Variants in TUBB4A observed in about 807,000 individuals in gnomAD.
The protein encoded by TUBB4A is tubulin beta-4A chain.
A neutral mutation model predicts 35.1 loss-of-function variants in TUBB4A; 13 were observed. The ratio of observed to expected loss-of-function variants is 0.37; its 90% CI spans 0.24 to 0.59. The LOEUF (loss-of-function observed/expected upper bound fraction) is 0.59, where lower values mean the gene tolerates loss of function less well. Among genes scored for constraint, TUBB4A ranks in the 20% least tolerant of loss-of-function variants. TUBB4A has a pLI of 0.71. For missense variants in TUBB4A, 299 were observed against 647.2 expected (o/e 0.46, Z 5.84); for synonymous variants, 279 against 272.4 (o/e 1.02, Z -0.24).
In TUBB4A at chr19:6,495,790, TG is replaced by T. The variant is rs1211594039; in HGVS notation, c.708del (p.Thr237ProfsTer10). On this transcript the variant is annotated frameshift_variant, in exon 4 of 4. Coordinates refer to ENST00000264071, the MANE Select transcript of TUBB4A (RefSeq NM_006087.4). LOFTEE classifies it high-confidence loss of function. This position sits in a 1 kb window ranked among gnomAD's most constrained non-coding sequence, Gnocchi z 8.7. ...NHLVSATMSG[V>X]TTCLRFPGQL... ...TGGCCCGGGAAGCGCAGGCAGGTGG[TG>T]ACCCCGCTCATGGTGGCCGACACCA... 1 of 1,614,018 alleles carries T rather than the reference TG, an allele frequency of 6.2e-7. No homozygotes were observed. The highest frequency in any genetic ancestry group is 8.5e-7 in the Non-Finnish European group (1 of 1,180,030).
In TUBB4A at chr19:6,501,625, T is replaced by TAG. The variant is rs967253651; in HGVS notation, c.58-4_58-3dup. The stretch of plus-strand genomic sequence containing the variant: ...TTCGTCACTGATAACCTCCCAAAAC[T>TAG]AGAGAGAGAGGTGGTCGGAAGAGTT... On this transcript the variant is annotated splice_polypyrimidine_tract_variant and splice_region_variant and intron_variant, in intron 1 of 3. Transcript: ENST00000264071. The surrounding 1 kb of genome is among the most constrained non-coding windows in gnomAD (Gnocchi z 4.2). The TAG allele has an allele frequency of 2.5e-6, 4 of 1,612,306 alleles. No individual in the cohort carries two copies.
chr19:6,495,795 C>T lies in TUBB4A; in HGVS notation c.704G>A (p.Gly235Glu). Reference protein sequence around the residue: ...LNHLVSATMSGVTTCLRFPGQ... With the variant: ...LNHLVSATMSEVTTCLRFPGQ... ...CGGGAAGCGCAGGCAGGTGGTGACCCCGCTCATGGTGGCCGACACCAGGTG... is the reference window on the plus strand; with the variant it reads ...CGGGAAGCGCAGGCAGGTGGTGACCTCGCTCATGGTGGCCGACACCAGGTG... Residue 235 changes from glycine (G) to glutamate (E), a missense_variant, in exon 4 of 4, where the codon GGG (glycine) becomes GAG (glutamate). Gly to Glu is a moderately conservative substitution (Grantham distance 98). Transcript: ENST00000264071. This position sits in a 1 kb window ranked among gnomAD's most constrained non-coding sequence, Gnocchi z 8.7. The T allele has an allele frequency of 1.2e-6, 2 of 1,614,218 alleles. No homozygotes were observed. Among genetic ancestry groups the T allele is most frequent in the Non-Finnish European group, 1.7e-6 (2 of 1,180,040 alleles).
chr19:6,495,841 G>A lies in TUBB4A; in HGVS notation c.658C>T (p.Pro220Ser). The change falls in exon 4 of 4, where the codon CCC (proline) becomes TCC (serine). Residue 220 changes from proline (P) to serine (S), a missense_variant. Around this residue, in one of 5 missense-constraint regions of TUBB4A, gnomAD observed 51 missense variants for 100.3 expected, o/e 0.51. Coordinates refer to ENST00000264071, the MANE Select transcript of TUBB4A (RefSeq NM_006087.4). The surrounding 1 kb of genome is among the most constrained non-coding windows in gnomAD (Gnocchi z 8.7). Reference protein sequence around the residue: ...ICFRTLKLTTPTYGDLNHLVS... With the variant: ...ICFRTLKLTTSTYGDLNHLVS... ...AGGTGGTTGAGGTCCCCGTAGGTGG[G>A]GGTGGTCAGCTTGAGGGTGCGGAAA... 6.2e-7 allele frequency: 1 copy of A among 1,614,240 alleles called. No individual in the cohort carries two copies. Among genetic ancestry groups the A allele is most frequent in the Non-Finnish European group, 8.5e-7 (1 of 1,180,046 alleles).
chr19:6,498,716 C>A (rs1196822152), intron 3 of TUBB4A, among the ~76,000 whole-genome samples: 3 of 152,212 alleles, frequency 2.0e-5, no homozygotes, highest in African/African-American at 7.2e-5. Context: ...CTCAGAGAAG[C>A]CACCTCTGGT....
chr19:6,501,481 C>A lies in TUBB4A; in HGVS notation c.166+34G>T. 1 of 1,607,824 alleles carries A rather than the reference C, an allele frequency of 6.2e-7. No homozygotes were observed. The highest frequency in any genetic ancestry group is 8.5e-7 in the Non-Finnish European group (1 of 1,175,396). The stretch of plus-strand genomic sequence containing the variant: ...AGCATCCTGTTCCCTCCCAGCTGCC[C>A]CTTCCCACCTGGAAGGTGCCTCCTT... On this transcript the variant is annotated intron_variant, in intron 2 of 3. Coordinates refer to ENST00000264071, the MANE Select transcript of TUBB4A (RefSeq NM_006087.4). This position sits in a 1 kb window ranked among gnomAD's most constrained non-coding sequence, Gnocchi z 4.2.
intron 3 of TUBB4A, among the ~76,000 whole-genome samples, chr19:6,498,172 C>T (rs990586470): frequency 1.6e-4 from 23 of 147,960 alleles, no homozygotes; most frequent in African/African-American, 5.8e-4. Flanking sequence ...GATCGCGCCA[C>T]TGCACTCCAG....
intron 3 of TUBB4A, chr19:6,496,443 C>T: frequency 2.1e-6 from 1 of 470,288 alleles, no homozygotes; most frequent in Non-Finnish European, 3.8e-6. Flanking sequence ...TCCTGGCTAA[C>T]ACGGTGAAAC....
At chr19:6,497,625 G>T (rs939222257) in intron 3 of TUBB4A, among the ~76,000 whole-genome samples, 1 of 151,858 alleles carries the variant, frequency 6.6e-6, no homozygotes, top group Non-Finnish European at 1.5e-5. Context: ...GCAAGCTCCC[G>T]GAGGAAAAGA....
chr19:6,502,459 GCCT>G (rs1469953937), upstream of TUBB4A: 34 of 480,110 alleles, frequency 7.1e-5, no homozygotes, highest in Admixed American at 9.3e-4. Context: ...TCCCCAGGGG[GCCT>G]CCCAGAGAAG....
At position 6,495,182 on chromosome 19, in the gene TUBB4A, C is replaced by A. The variant is rs201070507; in HGVS notation, c.1317G>T (p.Ala439=). The A allele has an allele frequency of 9.9e-6, 16 of 1,613,844 alleles. No individual in the cohort carries two copies. Among genetic ancestry groups the A allele is most frequent in the Non-Finnish European group, 1.3e-5 (15 of 1,179,846 alleles). Residue 439 remains alanine, a synonymous_variant, in exon 4 of 4, where the codon GCG becomes GCT. Transcript: ENST00000264071. The surrounding 1 kb of genome is among the most constrained non-coding windows in gnomAD (Gnocchi z 8.7). ...TAEEGEFEEE[A]EEEVA Reference sequence around the variant, plus strand: ...GAGCAGCCTAGGCCACCTCCTCCTCCGCCTCCTCCTCGAACTCGCCCTCCT... The same window carrying A: ...GAGCAGCCTAGGCCACCTCCTCCTCAGCCTCCTCCTCGAACTCGCCCTCCT...
upstream of TUBB4A, chr19:6,502,495 C>A (rs1914590290): frequency 4.7e-6 from 2 of 427,266 alleles, no homozygotes; most frequent in South Asian, 7.5e-5. Flanking sequence ...CGTGCTCCGA[C>A]CCCTGCCTTG....
chr19:6,495,099 T>TG lies in TUBB4A; in HGVS notation c.*64dup. On this transcript the variant is annotated 3_prime_UTR_variant, in exon 4 of 4. Transcript: ENST00000264071. This position sits in a 1 kb window ranked among gnomAD's most constrained non-coding sequence, Gnocchi z 8.7. ...AAAGCGGGGCTCTAGGGTTCAGAGA[T>TG]GGGGGGCCTAGCGGATCAAAGGTCA... The TG allele has an allele frequency of 3.2e-6, 5 of 1,577,172 alleles. No homozygotes were observed. Among genetic ancestry groups the TG allele is most frequent in the Admixed American group, 3.4e-5 (2 of 58,062 alleles).
At chr19:6,499,783 A>C (rs1914444492) in intron 3 of TUBB4A, among the ~76,000 whole-genome samples, 1 of 150,982 alleles carries the variant, frequency 6.6e-6, no homozygotes, top group Non-Finnish European at 1.5e-5. Flanking sequence ...CATATTCATG[A>C]CTTTAAGCTT....
At chr19:6,497,081 G>A (rs1466114473) in intron 3 of TUBB4A, among the ~76,000 whole-genome samples, 2 of 110,848 alleles carry the variant, frequency 1.8e-5, no homozygotes, top group African/African-American at 3.4e-5. Context: ...GCCAGTCATG[G>A]TGGTGGCACA....
At position 6,501,420 on chromosome 19, in the gene TUBB4A, C is replaced by G; in HGVS notation, c.167-23G>C. 1 of 1,607,332 alleles carries G rather than the reference C, an allele frequency of 6.2e-7. No individual in the cohort carries two copies. ...CTCCTGCAGGGAAACAGATGGAGGG[C>G]AGTTCGATGCGTGCCAGGAACCACA... On this transcript the variant is annotated intron_variant, in intron 2 of 3. Coordinates refer to ENST00000264071, the MANE Select transcript of TUBB4A (RefSeq NM_006087.4). The surrounding 1 kb of genome is among the most constrained non-coding windows in gnomAD (Gnocchi z 4.2).
intron 3 of TUBB4A, among the ~76,000 whole-genome samples, chr19:6,499,147 C>T (rs1218263502): frequency 1.3e-5 from 2 of 152,002 alleles, no homozygotes; most frequent in African/African-American, 2.4e-5. Flanking sequence ...GCCAACATGG[C>T]GAAACCCCGT....
At chr19:6,497,060 T>TATATATATAA (rs1172775345) in intron 3 of TUBB4A, among the ~76,000 whole-genome samples, 1 of 75,128 alleles carries the variant, frequency 1.3e-5, no homozygotes, top group African/African-American at 5.3e-5. Context: ...TATATATATA[T>TATATATATAA]ATATAAATTA....
rs780625174 is a variant in TUBB4A at position 6,501,449 on chromosome 19, G to T, written c.167-52C>A. The stretch of plus-strand genomic sequence containing the variant: ...TCGATGCGTGCCAGGAACCACAGGC[G>T]CCCGGTAGCATCCTGTTCCCTCCCA... On this transcript the variant is annotated intron_variant, in intron 2 of 3. Coordinates refer to ENST00000264071, the MANE Select transcript of TUBB4A (RefSeq NM_006087.4). The surrounding 1 kb of genome is among the most constrained non-coding windows in gnomAD (Gnocchi z 4.2). 1.2e-4 allele frequency: 189 copies of T among 1,599,260 alleles called. No homozygotes were observed. The highest frequency in any genetic ancestry group is 3.9e-4 in the Admixed American group (23 of 59,412).
rs371554726 is a variant in TUBB4A at position 6,500,018 on chromosome 19, C to T, written c.277+1269G>A. On this transcript the variant is annotated intron_variant, in intron 3 of 3. Coordinates refer to ENST00000264071, the MANE Select transcript of TUBB4A (RefSeq NM_006087.4). ...GTTAGTCAGGCTGGTCTCAAACTCC[C>T]GACCTCAGGTGATCCACCCGCCTCG... is the stretch of plus-strand genomic sequence containing the variant. 6.7e-3 allele frequency among the ~76,000 whole-genome samples: 1,012 copies of T among 151,910 alleles called. 13 individuals are homozygous for T. The highest frequency in any genetic ancestry group is 0.021 in the African/African-American group (884 of 41,426).
Sources: gnomAD v4.1 joint callset for allele counts (sites outside exome capture counted in the v4.1 genomes callset) on GRCh38, gnomAD v4.1.1 for gene constraint, gnomAD v4.1.1 regional missense constraint, Gnocchi (gnomAD v3.1) non-coding constraint, MANE v1.5 for transcripts, NCBI Gene and HGNC (gene_info 2026-07-23, HGNC 2026-07-21) for gene names.